The following PTPRU variants were observed in gnomAD, a reference collection of about 807,000 sequenced individuals.
PTPRU encodes the protein receptor-type tyrosine-protein phosphatase U.
Under a neutral mutation model 166.3 loss-of-function variants are expected in PTPRU, and 69 were observed. The observed-to-expected ratio is 0.41, with a 90% confidence interval of 0.34 to 0.51. The LOEUF is 0.51. PTPRU is among the 20% of genes least tolerant of loss of function. The pLI is 0.09. For missense variants in PTPRU, 1,657 were observed against 2,013.7 expected, an observed-to-expected ratio of 0.82 and a Z score of 3.39; for synonymous variants, 793 against 814.0, an observed-to-expected ratio of 0.97 and a Z score of 0.44.
chr1:29,268,981 G>A (rs766882297), intron 7 of PTPRU, among the ~76,000 whole-genome samples: 5 of 152,150 alleles, frequency 3.3e-5, no homozygotes, highest in Non-Finnish European at 5.9e-5. Context: ...GTCCATGGCA[G>A]AGCTTGAATC....
chr1:29,239,871 T>C (rs1325809986), intron 1 of PTPRU, among the ~76,000 whole-genome samples: 2 of 152,150 alleles, frequency 1.3e-5, no homozygotes, highest in African/African-American at 4.8e-5. Flanking sequence ...GTAAAGTACA[T>C]TTTAACTCAA....
chr1:29,267,470 A>C (rs1481260300), intron 7 of PTPRU, among the ~76,000 whole-genome samples: 1 of 152,170 alleles, frequency 6.6e-6, no homozygotes, highest in Non-Finnish European at 1.5e-5. Context: ...AGGGAAGGTG[A>C]CATTTGAGCA....
intron 1 of PTPRU, among the ~76,000 whole-genome samples, chr1:29,242,658 C>T (rs2151938456): frequency 6.6e-6 from 1 of 152,318 alleles, no homozygotes; most frequent in Non-Finnish European, 1.5e-5. Flanking sequence ...TTTCCATCCT[C>T]TCAGAAAGTT....
intron 1 of PTPRU, among the ~76,000 whole-genome samples, chr1:29,251,943 C>T (rs183893923): frequency 6.6e-6 from 1 of 152,220 alleles, no homozygotes; most frequent in Non-Finnish European, 1.5e-5. Flanking sequence ...CATGCTCTCT[C>T]TCTGTACTTG....
chr1:29,266,707 C>T (rs534835285), intron 7 of PTPRU, among the ~76,000 whole-genome samples: 3 of 152,258 alleles, frequency 2.0e-5, no homozygotes, highest in African/African-American at 4.8e-5. Context: ...GTGTCTATTA[C>T]GTGCGAGGTG....
chr1:29,307,492 C>T (rs973610501), intron 18 of PTPRU, among the ~76,000 whole-genome samples: 1 of 152,268 alleles, frequency 6.6e-6, no homozygotes, highest in Non-Finnish European at 1.5e-5. Flanking sequence ...CCTCCCTAGC[C>T]TCCCTAGCTG....
chr1:29,305,526 C>A, intron 18 of PTPRU, 98 bp downstream of exon 18: 1 of 1,254,942 alleles, frequency 8.0e-7, no homozygotes, highest in Non-Finnish European at 1.2e-6. Context: ...AATGGGGGTT[C>A]AAATGGCTGA....
At chr1:29,272,839 C>A (rs1188322272) in intron 7 of PTPRU, among the ~76,000 whole-genome samples, 1 of 133,496 alleles carries the variant, frequency 7.5e-6, no homozygotes, top group Admixed American at 8.8e-5. Context: ...CCGGGGAGAT[C>A]AAGGCTGCAG....
At chr1:29,252,966 C>A (rs1463564152) in intron 1 of PTPRU, among the ~76,000 whole-genome samples, 1 of 152,254 alleles carries the variant, frequency 6.6e-6, no homozygotes, top group South Asian at 2.1e-4. Flanking sequence ...CTCCTCCAGA[C>A]ACCAGTCGCA....
Position 29,316,104 on chromosome 1 carries a change from C to T in PTPRU, c.3466C>T (p.Arg1156Cys), listed in dbSNP as rs774359775. 22 of 1,614,012 alleles carry T rather than the reference C, an allele frequency of 1.4e-5. No homozygotes were observed. The highest frequency in any genetic ancestry group is 3.3e-5 in the Admixed American group (2 of 60,002). Residue 1156 changes from arginine to cysteine, a missense_variant, in exon 24 of 30, where the codon CGC becomes TGC. Arg to Cys is a radical substitution (Grantham distance 180). Coordinates refer to ENST00000373779, the MANE Select transcript of PTPRU (RefSeq NM_133178.4). ...CAAGGCCACCTACAAGGAGATGATC[C>T]GCATTGATCCTCAGAGTAATTCCTC... ...EFKATYKEMI[R>C]IDPQSNSSQL...
chr1:29,312,501 G>A, intron 21 of PTPRU, 51 bp from the exon 22 acceptor site: 1 of 1,512,238 alleles, frequency 6.6e-7, no homozygotes, highest in Non-Finnish European at 9.0e-7. Flanking sequence ...GGTGTCTAAT[G>A]GTGACAGATG....
At chr1:29,307,733 G>GT (rs1270425776) in intron 18 of PTPRU, among the ~76,000 whole-genome samples, 2 of 131,090 alleles carry the variant, frequency 1.5e-5, no homozygotes, top group Non-Finnish European at 3.5e-5. Context: ...TGGATAGTCT[G>GT]TTTTTAAATA....
Position 29,280,121 on chromosome 1 carries a change from G to A in PTPRU, c.1848G>A (p.Gln616=). ...TCACCGTGCTGCTGAGGCCGGCACAGGGCCGCGGTGCGCCCATCAGGTGGG... is the reference window on the plus strand; with the variant it reads ...TCACCGTGCTGCTGAGGCCGGCACAAGGCCGCGGTGCGCCCATCAGGTGGG... ...NTITVLLRPA[Q]GRGAPISVYQ... The change falls in exon 11 of 30, where the codon CAG becomes CAA. Residue 616 remains glutamine, a synonymous_variant. Coordinates refer to ENST00000373779, the MANE Select transcript of PTPRU (RefSeq NM_133178.4). The surrounding 1 kb of genome is among the most constrained non-coding windows in gnomAD (Gnocchi z 4.2). 6.2e-7 allele frequency: 1 copy of A among 1,613,012 alleles called. No individual in the cohort carries two copies.
chr1:29,248,374 C>G (rs1009645305), intron 1 of PTPRU, among the ~76,000 whole-genome samples: 1 of 152,082 alleles, frequency 6.6e-6, no homozygotes. Context: ...TTGGGCTGGG[C>G]TGCTGAGAAT....
intron 8 of PTPRU, 95 bp from the exon 9 acceptor site, chr1:29,278,917 A>C: frequency 1.1e-6 from 1 of 940,836 alleles, no homozygotes; most frequent in Non-Finnish European, 1.6e-6. Context: ...ATAGTCCATG[A>C]GAACCAGGTA....
At position 29,317,903 on chromosome 1, in the gene PTPRU, T is replaced by A; in HGVS notation, c.3669T>A (p.Ile1223=). The change falls in exon 25 of 30, where the codon ATT becomes ATA. Residue 1223 remains isoleucine (I), a synonymous_variant. Transcript: ENST00000373779. This position sits in a 1 kb window ranked among gnomAD's most constrained non-coding sequence, Gnocchi z 5.6. ...CTGATGGGGACTCCAACAACTACATTAATGCAGCCCTGACTGACGTGAGAG... is the reference window on the plus strand; with the variant it reads ...CTGATGGGGACTCCAACAACTACATAAATGCAGCCCTGACTGACGTGAGAG... ...ISTDGDSNNY[I]NAALTDSYTR... The A allele has an allele frequency of 6.2e-6, 10 of 1,613,804 alleles. No homozygotes were observed. The highest frequency in any genetic ancestry group is 8.5e-6 in the Non-Finnish European group (10 of 1,179,948).
At chr1:29,324,703 G>A (rs115988587) in intron 28 of PTPRU, among the ~76,000 whole-genome samples, 2,896 of 152,170 alleles carry the variant, frequency 0.019, 80 homozygotes, top group African/African-American at 0.065. Flanking sequence ...AGTCTGTTTC[G>A]CCTTGAGAAT....
chr1:29,263,437 C>T (rs1465970176), intron 7 of PTPRU, among the ~76,000 whole-genome samples: 2 of 152,156 alleles, frequency 1.3e-5, no homozygotes, highest in East Asian at 1.9e-4. Flanking sequence ...GGGTTGTTTA[C>T]ACTTTTCAGC....
At chr1:29,321,575 C>A (rs1175032941) in intron 26 of PTPRU, among the ~76,000 whole-genome samples, 2 of 152,226 alleles carry the variant, frequency 1.3e-5, no homozygotes, top group African/African-American at 4.8e-5. Flanking sequence ...AAGCGCCCAT[C>A]ATGGGGGCCT....
Sources: allele counts gnomAD v4.1 joint callset (sites outside exome capture counted in the v4.1 genomes callset), GRCh38; gene constraint gnomAD v4.1.1; non-coding constraint Gnocchi (gnomAD v3.1); transcripts MANE v1.5; gene names NCBI Gene and HGNC (gene_info 2026-07-23, HGNC 2026-07-21).